Variants in LRP1B observed in about 807,000 individuals in gnomAD.
LRP1B encodes the protein LDL receptor related protein 1B.
LRP1B carries 217 observed loss-of-function variants against 556.6 expected under a neutral mutation model. The ratio of observed to expected loss-of-function variants is 0.39; its 90% CI spans 0.35 to 0.44. The LOEUF (loss-of-function observed/expected upper bound fraction) is 0.44, where lower values mean the gene tolerates loss of function less well. LRP1B is among the 20% of genes least tolerant of loss of function. The pLI, the probability that LRP1B is intolerant of heterozygous loss-of-function variation, is 1.00. For synonymous variants in LRP1B, 2,047 were observed against 1,865.8 expected (o/e 1.10, Z -2.50); for missense variants, 5,053 against 5,620.8 (o/e 0.90, Z 3.23).
At chr2:141,478,919 T>A (rs1197194643) in intron 3 of LRP1B, among the ~76,000 whole-genome samples, 1 of 152,122 alleles carries the variant, frequency 6.6e-6, no homozygotes, top group Non-Finnish European at 1.5e-5. Flanking sequence ...AAAAATAAAA[T>A]CTCTCATTCA....
Position 140,325,882 on chromosome 2 carries a change from C to T in LRP1B, c.12224-4G>A. 1.3e-5 allele frequency: 20 copies of T among 1,553,314 alleles called. No homozygotes were observed. Among genetic ancestry groups the T allele is most frequent in the Non-Finnish European group, 1.7e-5 (19 of 1,126,630 alleles). On this transcript the variant is annotated splice_polypyrimidine_tract_variant and splice_region_variant and intron_variant, in intron 79 of 90. Coordinates refer to ENST00000389484, the MANE Select transcript of LRP1B (RefSeq NM_018557.3). ...CTAAAATAATCCACAGCCAAACCTG[C>T]AAAATCAACACACACAAGACAAATA...
intron 4 of LRP1B, among the ~76,000 whole-genome samples, chr2:141,251,072 G>T (rs1684243049): frequency 6.6e-6 from 1 of 152,164 alleles, no homozygotes; most frequent in Admixed American, 6.6e-5. Context: ...TCTAGGAAAA[G>T]AGCTGAGTTT....
chr2:141,015,936 C>G (rs1697887306), intron 12 of LRP1B, 21 bp from the exon 13 acceptor site: 1 of 1,567,978 alleles, frequency 6.4e-7, no homozygotes, highest in Non-Finnish European at 8.8e-7. Context: ...AAAAAAACAA[C>G]AAAAATGCAT....
At chr2:141,742,181 C>T (rs1336220124) in intron 2 of LRP1B, among the ~76,000 whole-genome samples, 2 of 149,968 alleles carry the variant, frequency 1.3e-5, no homozygotes, top group Non-Finnish European at 1.5e-5. Context: ...ACCATGCCAT[C>T]GTAGTTACTA....
At chr2:141,081,812 A>T (rs956495965) in intron 7 of LRP1B, among the ~76,000 whole-genome samples, 1 of 152,210 alleles carries the variant, frequency 6.6e-6, no homozygotes, top group Non-Finnish European at 1.5e-5. Context: ...GGTACTGATG[A>T]TAAAAGCTGA....
chr2:140,656,184 C>T (rs1684873577), intron 41 of LRP1B, among the ~76,000 whole-genome samples: 1 of 152,112 alleles, frequency 6.6e-6, no homozygotes, highest in Admixed American at 6.5e-5. Context: ...TCACCAAAAG[C>T]TCAGGGAAAT....
chr2:142,040,083 C>G (rs1254562507), intron 1 of LRP1B, among the ~76,000 whole-genome samples: 2 of 151,372 alleles, frequency 1.3e-5, no homozygotes, highest in Non-Finnish European at 3.0e-5. Flanking sequence ...TCCTCTCTTC[C>G]CCAGAGTACA....
In LRP1B at chr2:141,267,856, G is replaced by A. The variant is rs186670747; in HGVS notation, c.344-13215C>T. Among the ~76,000 whole-genome samples the A allele has an allele frequency of 1.4e-4, 22 of 152,296 alleles. No homozygotes were observed. The South Asian group carries it at 3.9e-3, about 27-fold the overall frequency. Reference sequence around the variant, plus strand: ...AGAGGAATATAATAGGATGGAGGTAGTAGTAGCAGTTGGGTTAGCGGAGGT... The same window carrying A: ...AGAGGAATATAATAGGATGGAGGTAATAGTAGCAGTTGGGTTAGCGGAGGT... On this transcript the variant is annotated intron_variant, in intron 3 of 90. Coordinates refer to ENST00000389484, the MANE Select transcript of LRP1B (RefSeq NM_018557.3).
chr2:141,347,620 T>C (rs1688300702), intron 3 of LRP1B, among the ~76,000 whole-genome samples: 1 of 152,056 alleles, frequency 6.6e-6, no homozygotes, highest in African/African-American at 2.4e-5. Context: ...TTTAAAATTT[T>C]AATAAAACCA....
chr2:141,231,325 T>A (rs779133365), intron 5 of LRP1B, among the ~76,000 whole-genome samples: 10 of 152,198 alleles, frequency 6.6e-5, no homozygotes, highest in Admixed American at 1.3e-4. Flanking sequence ...CCAGTGAATA[T>A]GATTTGGGGC....
intron 3 of LRP1B, among the ~76,000 whole-genome samples, chr2:141,373,690 A>T (rs1420288083): frequency 3.3e-5 from 5 of 151,834 alleles, no homozygotes; most frequent in African/African-American, 1.2e-4. Flanking sequence ...TGTGTGGAAG[A>T]TCCTTTTCTT....
chr2:140,312,450 T>A (rs1266154803), intron 83 of LRP1B, among the ~76,000 whole-genome samples: 1 of 151,826 alleles, frequency 6.6e-6, no homozygotes, highest in African/African-American at 2.4e-5. Flanking sequence ...ATACCAAACA[T>A]CATGAATATA....
chr2:140,256,000 T>G (rs1426411933), intron 86 of LRP1B, among the ~76,000 whole-genome samples: 1 of 152,148 alleles, frequency 6.6e-6, no homozygotes, highest in Non-Finnish European at 1.5e-5. Flanking sequence ...TGTGTATCAT[T>G]CAGTTCTTGT....
chr2:141,175,037 G>C (rs183763245), intron 7 of LRP1B, among the ~76,000 whole-genome samples: 1 of 152,228 alleles, frequency 6.6e-6, no homozygotes, highest in African/African-American at 2.4e-5. Context: ...CTTTAAACTT[G>C]AGGGAGATGA....
At chr2:140,324,625 T>C (rs1273927387) in intron 80 of LRP1B, among the ~76,000 whole-genome samples, 3 of 152,030 alleles carry the variant, frequency 2.0e-5, no homozygotes, top group African/African-American at 7.2e-5. Flanking sequence ...TGTCTAAAAA[T>C]AATAGTAACC....
intron 2 of LRP1B, among the ~76,000 whole-genome samples, chr2:141,735,569 C>G (rs1334900482): frequency 6.6e-6 from 1 of 151,288 alleles, no homozygotes; most frequent in African/African-American, 2.4e-5. Flanking sequence ...TTATAGAGAA[C>G]ATTGACTGAG....
chr2:141,008,269 T>C (rs931509520), intron 14 of LRP1B, among the ~76,000 whole-genome samples: 1 of 151,406 alleles, frequency 6.6e-6, no homozygotes, highest in Non-Finnish European at 1.5e-5. Flanking sequence ...ATACATTATA[T>C]TTTATTCAAT....
chr2:140,348,787 T>G (rs1268291039), intron 77 of LRP1B, among the ~76,000 whole-genome samples: 4 of 152,114 alleles, frequency 2.6e-5, no homozygotes, highest in Non-Finnish European at 4.4e-5. Flanking sequence ...TATTTGCATG[T>G]ATAAGAATGA....
chr2:141,927,041 C>CCTCTTTGAT (rs951597765), intron 1 of LRP1B, among the ~76,000 whole-genome samples: 1 of 152,060 alleles, frequency 6.6e-6, no homozygotes, highest in Non-Finnish European at 1.5e-5. Context: ...ATACCTTTTG[C>CCTCTTTGAT]CTCTTTGATT....
Sources: allele counts gnomAD v4.1 joint callset (sites outside exome capture counted in the v4.1 genomes callset), GRCh38; gene constraint gnomAD v4.1.1; transcripts MANE v1.5; gene names NCBI Gene and HGNC (gene_info 2026-07-23, HGNC 2026-07-21).